The following PCDH11X variants were observed in gnomAD, a reference collection of about 807,000 sequenced individuals.
PCDH11X encodes the protein protocadherin 11 X-linked.
Under a neutral mutation model 53.3 loss-of-function variants are expected in PCDH11X, and 18 were observed. The ratio of observed to expected loss-of-function variants is 0.34; its 90% CI spans 0.23 to 0.50. The LOEUF (loss-of-function observed/expected upper bound fraction) is 0.50. Among genes scored for constraint, PCDH11X ranks in the 20% least tolerant of loss-of-function variants. The pLI is 0.98. For missense variants in PCDH11X, 570 were observed against 1,032.4 expected (o/e 0.55, Z 6.14); for synonymous variants, 279 against 393.3 (o/e 0.71, Z 3.44).
In PCDH11X at chrX:91,877,425, G is replaced by T; in HGVS notation, c.1185G>T (p.Arg395Ser). The T allele has an allele frequency of 2.5e-6, 3 of 1,210,460 alleles. No individual in the cohort carries two copies. The highest frequency in any genetic ancestry group is 3.4e-6 in the Non-Finnish European group (3 of 895,202). The change falls in exon 6 of 11, where the codon AGG becomes AGT. Residue 395 changes from arginine (R) to serine (S), a missense_variant. Around this residue, in one of 6 missense-constraint regions of PCDH11X, gnomAD observed 226 missense variants for 457.5 expected, o/e 0.49. Coordinates refer to ENST00000682573, the MANE Select transcript of PCDH11X (RefSeq NM_032968.5). Reference protein sequence around the residue: ...VTDKDADHNGRVTCFTDHEIP... With the variant: ...VTDKDADHNGSVTCFTDHEIP... ...ATAAGGATGCGGACCATAATGGCAG[G>T]GTGACATGCTTCACAGATCATGAAA...
intron 6 of PCDH11X, among the ~76,000 whole-genome samples, chrX:92,145,223 G>C (rs1188008143): frequency 5.4e-5 from 6 of 111,635 alleles, no homozygotes; most frequent in Admixed American, 9.6e-5. Context: ...AAAAATGCGA[G>C]GACAGTCCCA....
chrX:91,817,102 A>G (rs1193627060), intron 4 of PCDH11X, among the ~76,000 whole-genome samples: 1 of 111,424 alleles, frequency 9.0e-6, no homozygotes, highest in African/African-American at 3.3e-5. Context: ...CATAATTTTT[A>G]TGTCTCAGAT....
At chrX:92,593,510 A>C (rs1157060956) in intron 10 of PCDH11X, among the ~76,000 whole-genome samples, 1 of 111,980 alleles carries the variant, frequency 8.9e-6, no homozygotes, top group African/African-American at 3.2e-5. Context: ...AGAGGTTATA[A>C]GAAGGCATGG....
intron 9 of PCDH11X, among the ~76,000 whole-genome samples, chrX:92,432,010 G>A (rs1248071320): frequency 1.8e-5 from 2 of 109,357 alleles, no homozygotes; most frequent in East Asian, 5.7e-4. Context: ...CCTCAGAAAC[G>A]CACCACCCAA....
intron 10 of PCDH11X, among the ~76,000 whole-genome samples, chrX:92,527,669 A>G (rs1201133922): frequency 3.6e-5 from 4 of 111,418 alleles, no homozygotes; most frequent in Non-Finnish European, 7.5e-5. Context: ...CCCTAAAGCT[A>G]AAAGAAAATA....
At chrX:92,360,663 A>G (rs1456966978) in intron 8 of PCDH11X, among the ~76,000 whole-genome samples, 3 of 110,971 alleles carry the variant, frequency 2.7e-5, no homozygotes, top group Non-Finnish European at 3.8e-5. Flanking sequence ...TTTTTTGTCA[A>G]AGTTGTCTTT....
intron 6 of PCDH11X, among the ~76,000 whole-genome samples, chrX:91,953,882 T>C (rs947184771): frequency 5.4e-5 from 6 of 110,146 alleles, no homozygotes; most frequent in African/African-American, 2.0e-4. Flanking sequence ...ATATCTATTA[T>C]ATGCACAAAT....
intron 6 of PCDH11X, among the ~76,000 whole-genome samples, chrX:92,024,718 CAAAA>C (rs199917287): frequency 5.5e-5 from 3 of 54,675 alleles, no homozygotes; most frequent in East Asian, 4.7e-4. Context: ...CAATCCTAAG[CAAAA>C]AAAAAAAAAA....
intron 5 of PCDH11X, among the ~76,000 whole-genome samples, chrX:91,852,672 G>A (rs1938097472): frequency 9.0e-6 from 1 of 111,284 alleles, no homozygotes; most frequent in Non-Finnish European, 1.9e-5. Flanking sequence ...ATTCTTCCTT[G>A]TGGGGTGGTG....
chrX:92,058,686 A>G (rs2063485971), intron 6 of PCDH11X, among the ~76,000 whole-genome samples: 1 of 110,928 alleles, frequency 9.0e-6, no homozygotes, highest in Admixed American at 9.7e-5. Context: ...TTAGTCATTG[A>G]TATTGACATT....
At position 92,501,894 on chromosome X, in the gene PCDH11X, A is replaced by C. The variant is rs2073966430; in HGVS notation, c.3367+33572A>C. Among the ~76,000 whole-genome samples, 3 of 110,956 alleles carry C rather than the reference A, an allele frequency of 2.7e-5. No individual in the cohort carries two copies. In the South Asian group the frequency reaches 1.1e-3, roughly 42 times the overall value. On this transcript the variant is annotated intron_variant, in intron 10 of 10. Transcript: ENST00000682573. ...GGCAATCAGGCAAGAGAAAGAGATA[A>C]AGAGTATTCAAATAGGGAGTGAGGA...
rs758128523 is a variant in PCDH11X, at chrX:92,583,228, T to G, written c.3368-35036T>G. ...GATTCTCCTGCCTCAGCCTCCTGAG[T>G]AGCTGGGATTACAGGCATGCACCAC... is the stretch of plus-strand genomic sequence containing the variant. On this transcript the variant is annotated intron_variant, in intron 10 of 10. Transcript: ENST00000682573. Among the ~76,000 whole-genome samples the G allele has an allele frequency of 1.8e-4, 19 of 105,465 alleles. No individual in the cohort carries two copies. The Admixed American group carries it at 2.0e-3, about 11-fold the overall frequency. The allele number at this position is 105,465 out of a possible 115,157, so 91.6% of individuals were successfully genotyped here. A position where few individuals can be genotyped will look rare whatever the true frequency, so the allele number is the denominator to read the frequency against.
chrX:91,781,242 C>A (rs1935128051), intron 1 of PCDH11X, among the ~76,000 whole-genome samples: 1 of 110,516 alleles, frequency 9.0e-6, no homozygotes, highest in African/African-American at 3.3e-5. Flanking sequence ...GGATTTAAAC[C>A]CAGCCTAGGA....
chrX:92,360,955 A>ATTT lies in PCDH11X; in HGVS notation c.3145-26772_3145-26770dup, dbSNP rs35008853. 8.5e-3 allele frequency among the ~76,000 whole-genome samples: 884 copies of ATTT among 103,428 alleles called. 2 individuals are homozygous for ATTT. The highest frequency in any genetic ancestry group is 0.013 in the Non-Finnish European group (651 of 50,729). The allele number at this position is 103,428 out of a possible 115,157, so 89.8% of individuals were successfully genotyped here. On this transcript the variant is annotated intron_variant, in intron 8 of 10. Transcript: ENST00000682573. ...AGGGCTCTTGGCACCTCTGGGCAGTATTTTTTTTTTAATTAAATCTCTTAT... is the reference window on the plus strand; with the variant it reads ...AGGGCTCTTGGCACCTCTGGGCAGTATTTTTTTTTTTTTAATTAAATCTCTTAT...
intron 7 of PCDH11X, among the ~76,000 whole-genome samples, chrX:92,219,449 T>C (rs2066811470): frequency 2.7e-5 from 3 of 110,723 alleles, no homozygotes; most frequent in Admixed American, 1.9e-4. Flanking sequence ...CATTCACAAT[T>C]GCTTCAAAGA....
intron 4 of PCDH11X, among the ~76,000 whole-genome samples, chrX:91,822,952 A>C (rs1478392009): frequency 9.0e-6 from 1 of 110,499 alleles, no homozygotes; most frequent in Admixed American, 9.7e-5. Context: ...ATTCAGGAGC[A>C]GGTTGTTCAG....
intron 10 of PCDH11X, among the ~76,000 whole-genome samples, chrX:92,587,918 G>C: frequency 9.0e-6 from 1 of 110,674 alleles, no homozygotes; most frequent in Non-Finnish European, 1.9e-5. Context: ...CTATATGACT[G>C]CATCACAATT....
At chrX:92,138,606 G>T (rs929459212) in intron 6 of PCDH11X, among the ~76,000 whole-genome samples, 1 of 110,408 alleles carries the variant, frequency 9.1e-6, no homozygotes, top group African/African-American at 3.3e-5. Flanking sequence ...TATTGTAATA[G>T]CCTAGGGTAT....
chrX:92,550,775 T>C (rs1342809051), intron 10 of PCDH11X, among the ~76,000 whole-genome samples: 1 of 110,280 alleles, frequency 9.1e-6, no homozygotes, highest in African/African-American at 3.3e-5. Context: ...CCTTTTACTT[T>C]CTATTTCCAT....
Sources: allele counts gnomAD v4.1 joint callset (sites outside exome capture counted in the v4.1 genomes callset), GRCh38; gene constraint gnomAD v4.1.1; regional missense constraint gnomAD v4.1.1; transcripts MANE v1.5; gene names NCBI Gene and HGNC (gene_info 2026-07-23, HGNC 2026-07-21).